MET: variants seen among roughly 807,000 people sequenced by gnomAD.
MET encodes MET proto-oncogene, receptor tyrosine kinase, also known as hepatocyte growth factor receptor.
A neutral mutation model predicts 133.1 loss-of-function variants in MET; 48 were observed. The ratio of observed to expected loss-of-function variants is 0.36; its 90% confidence interval spans 0.29 to 0.46. The LOEUF is 0.46. Ranked by LOEUF, MET falls within the 20% of genes least tolerant of loss-of-function variation. The pLI, the probability that MET is intolerant of heterozygous loss-of-function variation, is 1.00. For synonymous variants in MET, 628 were observed against 616.5 expected (o/e 1.02, Z -0.28); for missense variants, 1,442 against 1,695.9 (o/e 0.85, Z 2.63).
Position 116,736,056 on chromosome 7 carries a change from G to A in MET, c.1393-3894G>A, listed in dbSNP as rs529055156. Among the ~76,000 whole-genome samples the A allele has an allele frequency of 6.6e-5, 10 of 152,180 alleles. No individual in the cohort carries two copies. In the South Asian group the frequency reaches 2.1e-3, roughly 32 times the overall value. On this transcript the variant is annotated intron_variant, in intron 3 of 20. Coordinates refer to ENST00000397752, the MANE Select transcript of MET (RefSeq NM_000245.4). ...GCCTCCCAAAGTGCTGGGATTACAGGTATGAGTCACCGTGCCCACAAGATT... is the reference window on the plus strand; with the variant it reads ...GCCTCCCAAAGTGCTGGGATTACAGATATGAGTCACCGTGCCCACAAGATT...
intron 2 of MET, among the ~76,000 whole-genome samples, chr7:116,710,299 A>G (rs2116653473): frequency 6.6e-6 from 1 of 152,336 alleles, no homozygotes; most frequent in East Asian, 1.9e-4. Flanking sequence ...TAGTAGTTTA[A>G]CAAAGTAGGT....
intron 2 of MET, among the ~76,000 whole-genome samples, chr7:116,723,526 G>A (rs1792587521): frequency 6.6e-6 from 1 of 152,250 alleles, no homozygotes; most frequent in South Asian, 2.1e-4. Context: ...TGCTGGTGAG[G>A]AACTGCGTTC....
chr7:116,686,064 C>A (rs1796542303), intron 1 of MET, among the ~76,000 whole-genome samples: 1 of 152,052 alleles, frequency 6.6e-6, no homozygotes, highest in Admixed American at 6.5e-5. Context: ...CCCTGAACTG[C>A]CCCCCAGCCA....
chr7:116,682,076 T>G (rs1202744082), intron 1 of MET, among the ~76,000 whole-genome samples: 1 of 152,216 alleles, frequency 6.6e-6, no homozygotes, highest in Non-Finnish European at 1.5e-5. Context: ...TATTGTTCAT[T>G]GAAATCTGTA....
chr7:116,698,842 T>C (rs1179422816), intron 1 of MET, among the ~76,000 whole-genome samples: 1 of 152,214 alleles, frequency 6.6e-6, no homozygotes, highest in Non-Finnish European at 1.5e-5. Context: ...ATCTCAATGG[T>C]TCTCTAAAAT....
rs372116735 is a variant in MET, at chr7:116,755,511, A to G, written c.1858A>G (p.Asn620Asp). The G allele has an allele frequency of 1.2e-6, 2 of 1,614,126 alleles. No individual in the cohort carries two copies. The highest frequency in any genetic ancestry group is 3.3e-5 in the Admixed American group (2 of 60,018). The change falls in exon 6 of 21, where the codon AAT (asparagine) becomes GAT (aspartate). Residue 620 changes from asparagine to aspartate, a missense_variant. This residue lies in a region of MET where 762 missense variants were observed against 792.4 expected (regional missense o/e 0.96). Transcript: ENST00000397752. Reference protein sequence around the residue: ...CTLTLSESTMNTLKCTVGPAM... With the variant: ...CTLTLSESTMDTLKCTVGPAM... ...CTTGACTTTAAGTGAGAGCACGATG[A>G]ATACGTAAGGATCTTAAAATGCTTT...
chr7:116,729,013 G>A (rs1367014839), intron 2 of MET, among the ~76,000 whole-genome samples: 2 of 152,142 alleles, frequency 1.3e-5, no homozygotes, highest in Non-Finnish European at 2.9e-5. Context: ...ATTTCAAATG[G>A]CCTTAGATTT....
intron 11 of MET, among the ~76,000 whole-genome samples, chr7:116,768,766 T>C (rs1488355403): frequency 4.6e-5 from 7 of 152,208 alleles, no homozygotes; most frequent in Non-Finnish European, 7.4e-5. Context: ...CTCAAAATAA[T>C]AGCTTGCTCA....
At chr7:116,749,367 A>G (rs143499403) in intron 5 of MET, among the ~76,000 whole-genome samples, 19 of 152,344 alleles carry the variant, frequency 1.2e-4, no homozygotes, top group African/African-American at 4.3e-4. Flanking sequence ...CCACACGATT[A>G]TTGCAATAGA....
In MET at chr7:116,770,496, A is replaced by G. The variant is rs573027298; in HGVS notation, c.2730+705A>G. ...GCATTAATTTCATTCACAGTGTTGT[A>G]TAACCATCAGCATTACCTAATTCCA... is the stretch of plus-strand genomic sequence containing the variant. On this transcript the variant is annotated intron_variant, in intron 12 of 20. Coordinates refer to ENST00000397752, the MANE Select transcript of MET (RefSeq NM_000245.4). 3.3e-5 allele frequency among the ~76,000 whole-genome samples: 5 copies of G among 152,260 alleles called. No homozygotes were observed. In the East Asian group the frequency reaches 9.6e-4, roughly 29 times the overall value.
chr7:116,742,073 G>T (rs1019145623), intron 5 of MET, among the ~76,000 whole-genome samples: 1 of 152,164 alleles, frequency 6.6e-6, no homozygotes, highest in Admixed American at 6.5e-5. Context: ...AGAAAAGTTG[G>T]ACTTTAGTAA....
chr7:116,768,173 A>T (rs983393795), intron 11 of MET, among the ~76,000 whole-genome samples: 13 of 152,194 alleles, frequency 8.5e-5, no homozygotes, highest in Admixed American at 5.2e-4. Context: ...AACCAGGGAG[A>T]TCCTAAGCCT....
intron 5 of MET, among the ~76,000 whole-genome samples, chr7:116,750,590 A>T (rs1793878302): frequency 6.6e-6 from 1 of 152,246 alleles, no homozygotes; most frequent in South Asian, 2.1e-4. Flanking sequence ...AATGGGATCT[A>T]ATTAAAGAGC....
At position 116,797,355 on chromosome 7, in the gene MET, A is replaced by G. The variant is rs928007892; in HGVS notation, c.*1231A>G. 1 of 228,064 alleles carries G rather than the reference A, an allele frequency of 4.4e-6. No homozygotes were observed. Among genetic ancestry groups the G allele is most frequent in the Non-Finnish European group, 8.7e-6 (1 of 115,120 alleles). The allele number at this position is 228,064 out of a possible 1,614,324, so 14.1% of individuals were successfully genotyped here. A position where few individuals can be genotyped will look rare whatever the true frequency, so the allele number is the denominator to read the frequency against. ...AAAGATTAGCCTCTGTCTCGGTGGC[A>G]GGTTCCCACCTCGCAAGCAATTGGA... is the stretch of plus-strand genomic sequence containing the variant. On this transcript the variant is annotated 3_prime_UTR_variant, in exon 21 of 21. Coordinates refer to ENST00000397752, the MANE Select transcript of MET (RefSeq NM_000245.4).
At chr7:116,760,799 A>T (rs1355484626) in intron 10 of MET, among the ~76,000 whole-genome samples, 2 of 152,192 alleles carry the variant, frequency 1.3e-5, no homozygotes, top group African/African-American at 4.8e-5. Flanking sequence ...TTTTTATCAT[A>T]TTCCTGAGAG....
Position 116,680,951 on chromosome 7 carries a change from G to A in MET, c.-15+8374G>A, listed in dbSNP as rs138237329. ...AGAGAGACCCTGTCTCAGAAAAAGT[G>A]GGGGAGGGAGGGTATGGAATAAAGT... On this transcript the variant is annotated intron_variant, in intron 1 of 20. Transcript: ENST00000397752. 9.0e-3 allele frequency among the ~76,000 whole-genome samples: 1,365 copies of A among 152,052 alleles called. 9 individuals are homozygous for A. Among genetic ancestry groups the A allele is most frequent in the Non-Finnish European group, 0.013 (914 of 67,950 alleles).
In MET at chr7:116,777,282, T is replaced by C. The variant is rs1795023335; in HGVS notation, c.3260-107T>C. 6 of 950,224 alleles carry C rather than the reference T, an allele frequency of 6.3e-6. No individual in the cohort carries two copies. In the Admixed American group the frequency reaches 8.9e-5, roughly 14 times the overall value. The allele number at this position is 950,224 out of a possible 1,614,324, so 58.9% of individuals were successfully genotyped here. On this transcript the variant is annotated intron_variant, in intron 15 of 20. Coordinates refer to ENST00000397752, the MANE Select transcript of MET (RefSeq NM_000245.4). ...GTATTTTTTAAATGTACTCTTTTGC[T>C]GTATAGAAAGAAGAAAGAATAAAAT...
chr7:116,686,066 C>G (rs969066386), intron 1 of MET, among the ~76,000 whole-genome samples: 16 of 152,108 alleles, frequency 1.1e-4, no homozygotes, highest in Non-Finnish European at 1.8e-4. Flanking sequence ...CTGAACTGCC[C>G]CCCAGCCACT....
At chr7:116,677,439 G>A (rs1006199277) in intron 1 of MET, among the ~76,000 whole-genome samples, 3 of 152,244 alleles carry the variant, frequency 2.0e-5, no homozygotes, top group Non-Finnish European at 4.4e-5. Flanking sequence ...AGGAAAAGCA[G>A]AGGGGCAGTC....
Sources: allele counts gnomAD v4.1 joint callset (sites outside exome capture counted in the v4.1 genomes callset), GRCh38; gene constraint gnomAD v4.1.1; regional missense constraint gnomAD v4.1.1; transcripts MANE v1.5; gene names NCBI Gene and HGNC (gene_info 2026-07-23, HGNC 2026-07-21).